The following ARHGEF7 variants were observed in gnomAD, a reference collection of about 807,000 sequenced individuals.
ARHGEF7 encodes Rho guanine nucleotide exchange factor 7, also known as PAK-interacting exchange factor beta.
Under a neutral mutation model 109.8 loss-of-function variants are expected in ARHGEF7, and 33 were observed. That is an observed-to-expected ratio of 0.30 (90% CI 0.23 to 0.40). ARHGEF7 has a LOEUF of 0.40. ARHGEF7 is among the 10% of genes least tolerant of loss of function. The pLI is 1.00. For synonymous variants in ARHGEF7, 458 were observed against 424.6 expected, an observed-to-expected ratio of 1.08 and a Z score of -0.97; for missense variants, 938 against 1,098.5, an observed-to-expected ratio of 0.85 and a Z score of 2.07.
At chr13:111,250,597 G>A (rs2089623720) in intron 8 of ARHGEF7, among the ~76,000 whole-genome samples, 1 of 152,162 alleles carries the variant, frequency 6.6e-6, no homozygotes, top group South Asian at 2.1e-4. Context: ...TTCGTCAATT[G>A]TCTGACACTG....
intron 2 of ARHGEF7, among the ~76,000 whole-genome samples, chr13:111,195,877 C>A (rs2080439994): frequency 6.6e-6 from 1 of 152,194 alleles, no homozygotes; most frequent in South Asian, 2.1e-4. Flanking sequence ...AAGGCTGCTG[C>A]CTTTCTCTGA....
intron 6 of ARHGEF7, among the ~76,000 whole-genome samples, chr13:111,238,213 C>G (rs755096771): frequency 1.3e-5 from 2 of 152,106 alleles, no homozygotes; most frequent in African/African-American, 4.8e-5. Context: ...AAGATCCGGG[C>G]GGCTTGATGC....
intron 2 of ARHGEF7, among the ~76,000 whole-genome samples, chr13:111,201,287 T>A (rs2153460568): frequency 6.6e-6 from 1 of 152,344 alleles, no homozygotes; most frequent in South Asian, 2.1e-4. Flanking sequence ...CCAAATCGCT[T>A]TATATATGGC....
chr13:111,264,550 G>A (rs141492994), intron 8 of ARHGEF7, among the ~76,000 whole-genome samples: 2 of 152,156 alleles, frequency 1.3e-5, no homozygotes, highest in East Asian at 1.9e-4. Context: ...CCCTGCTGTT[G>A]CAGACCCCAC....
At chr13:111,130,661 A>G (rs1230141340) in intron 1 of ARHGEF7, among the ~76,000 whole-genome samples, 1 of 152,240 alleles carries the variant, frequency 6.6e-6, no homozygotes, top group Non-Finnish European at 1.5e-5. Context: ...AGTGGGGGAG[A>G]ATAACGTGAA....
At chr13:111,134,493 T>C (rs2074987411) in intron 1 of ARHGEF7, among the ~76,000 whole-genome samples, 1 of 152,250 alleles carries the variant, frequency 6.6e-6, no homozygotes, top group Admixed American at 6.5e-5. Flanking sequence ...TTCTAATTAG[T>C]GTGAGATAGT....
intron 2 of ARHGEF7, among the ~76,000 whole-genome samples, chr13:111,185,782 C>G (rs2079182229): frequency 6.6e-6 from 1 of 151,998 alleles, no homozygotes; most frequent in African/African-American, 2.4e-5. Flanking sequence ...TGAGTTGTGT[C>G]TGAGACCACC....
chr13:111,223,076 A>G (rs2153508274), intron 5 of ARHGEF7, among the ~76,000 whole-genome samples: 1 of 152,336 alleles, frequency 6.6e-6, no homozygotes, highest in South Asian at 2.1e-4. Flanking sequence ...ATAGATGGGA[A>G]AACATAGTAT....
Position 111,145,696 on chromosome 13 carries a change from C to T in ARHGEF7, c.166-8209C>T, listed in dbSNP as rs1272698541. ...GCTCCAGCATCTACTGCTCTAGGCC[C>T]CTGCTTCCTGCCAGGGCCTCCTATT... On this transcript the variant is annotated intron_variant, in intron 1 of 21. Transcript: ENST00000646102. The surrounding 1 kb of genome is among the most constrained non-coding windows in gnomAD (Gnocchi z 4.3). Among the ~76,000 whole-genome samples the T allele has an allele frequency of 6.6e-6, 1 of 152,198 alleles. No individual in the cohort carries two copies. The highest frequency in any genetic ancestry group is 1.5e-5 in the Non-Finnish European group (1 of 68,036).
rs760438351 is a variant in ARHGEF7, at chr13:111,303,294, A to T, written c.*181A>T. On this transcript the variant is annotated 3_prime_UTR_variant, in exon 22 of 22. Transcript: ENST00000646102. ...GGAGACGATCAAACCATGACTGATG[A>T]ATCCAGACAGGAGGGATTGACTCTG... The T allele has an allele frequency of 7.4e-6, 4 of 543,686 alleles. No homozygotes were observed. The highest frequency in any genetic ancestry group is 1.3e-5 in the Non-Finnish European group (4 of 318,790). 33.7% of individuals were successfully genotyped at this position (543,686 alleles called of 1,614,324 possible).
chr13:111,268,124 A>G (rs1026297958), intron 9 of ARHGEF7, among the ~76,000 whole-genome samples: 9 of 152,242 alleles, frequency 5.9e-5, no homozygotes, highest in Middle Eastern at 3.2e-3. Flanking sequence ...AAACAAGTGC[A>G]ACAGAGAATG....
chr13:111,195,115 T>C (rs2080339357), intron 2 of ARHGEF7, among the ~76,000 whole-genome samples: 1 of 152,224 alleles, frequency 6.6e-6, no homozygotes, highest in South Asian at 2.1e-4. Flanking sequence ...TAATACTTTA[T>C]GAGCTTCAGG....
At chr13:111,158,775 C>T (rs1040891001) in intron 2 of ARHGEF7, among the ~76,000 whole-genome samples, 1 of 152,124 alleles carries the variant, frequency 6.6e-6, no homozygotes, top group Non-Finnish European at 1.5e-5. Flanking sequence ...TATGGAGTAA[C>T]ATCATTATGT....
At chr13:111,217,627 G>A in intron 4 of ARHGEF7, 52 bp from the exon 5 acceptor site, 3 of 1,478,604 alleles carry the variant, frequency 2.0e-6, no homozygotes, top group African/African-American at 2.8e-5. Context: ...ATTTTATAAT[G>A]AAGTAGACTG....
intron 5 of ARHGEF7, among the ~76,000 whole-genome samples, chr13:111,221,516 T>C (rs149053861): frequency 0.015 from 703 of 47,070 alleles, 31 homozygotes; most frequent in Middle Eastern, 0.13. Flanking sequence ...TATATATAGA[T>C]ATATATCTAT....
chr13:111,189,425 T>G (rs1435040202), intron 2 of ARHGEF7, among the ~76,000 whole-genome samples: 1 of 152,202 alleles, frequency 6.6e-6, no homozygotes, highest in African/African-American at 2.4e-5. Flanking sequence ...GCAGTGAGTG[T>G]TACAGCTCTT....
intron 1 of ARHGEF7, among the ~76,000 whole-genome samples, chr13:111,148,440 C>CCATGTA (rs1233315686): frequency 6.6e-6 from 1 of 152,172 alleles, no homozygotes; most frequent in African/African-American, 2.4e-5. Context: ...CTACAGGTAC[C>CCATGTA]CATGTACATG....
chr13:111,118,594 G>C (rs893822642), intron 1 of ARHGEF7, among the ~76,000 whole-genome samples: 2 of 152,146 alleles, frequency 1.3e-5, no homozygotes, highest in African/African-American at 4.8e-5. Flanking sequence ...CCTCCCGTGA[G>C]CAGAGGTCAT....
In ARHGEF7 at chr13:111,229,087, C is replaced by T. The variant is rs978452439; in HGVS notation, c.671-4118C>T. Among the ~76,000 whole-genome samples, 8 of 151,814 alleles carry T rather than the reference C, an allele frequency of 5.3e-5. 1 individual carries two copies. Among genetic ancestry groups the T allele is most frequent in the South Asian group, 2.1e-4 (1 of 4,798 alleles). ...GGGGAGGGCATTGCACCTGGCTCCC[C>T]GGACCTGGCCCTCGCCCAGCTGTGC... On this transcript the variant is annotated intron_variant, in intron 5 of 21. Coordinates refer to ENST00000646102, the MANE Select transcript of ARHGEF7 (RefSeq NM_001354046.2).
Sources: allele counts gnomAD v4.1 joint callset (sites outside exome capture counted in the v4.1 genomes callset), GRCh38; gene constraint gnomAD v4.1.1; non-coding constraint Gnocchi (gnomAD v3.1); transcripts MANE v1.5; gene names NCBI Gene and HGNC (gene_info 2026-07-23, HGNC 2026-07-21).